Variants in GTF3C3 observed in about 807,000 individuals in gnomAD.
GTF3C3 encodes general transcription factor 3C polypeptide 3.
A neutral mutation model predicts 105.2 loss-of-function variants in GTF3C3; 75 were observed. The observed-to-expected ratio is 0.71, with a 90% CI of 0.59 to 0.86. The LOEUF (loss-of-function observed/expected upper bound fraction) is 0.86. Ranked by LOEUF, GTF3C3 falls within the 40% of genes least tolerant of loss-of-function variation. The probability of loss-of-function intolerance (pLI) is 0.00; values close to 1 mark genes in which losing one functional copy is unlikely to be tolerated. For missense variants in GTF3C3, 856 were observed against 1,076.5 expected, an observed-to-expected ratio of 0.80 and a Z score of 2.87; for synonymous variants, 335 against 370.4, an observed-to-expected ratio of 0.90 and a Z score of 1.10.
rs368340835 is a variant in GTF3C3, at chr2:196,772,338, C to T, written c.2070-400G>A. Among the ~76,000 whole-genome samples, 11 of 152,078 alleles carry T rather than the reference C, an allele frequency of 7.2e-5. No individual in the cohort carries two copies. The South Asian group carries it at 1.5e-3, about 20-fold the overall frequency. ...TTTGGGAGGCTGAGGCACCTGAGGT[C>T]GGGAGTTGGAGACCAGCCTGACCAA... On this transcript the variant is annotated intron_variant, in intron 14 of 17. Coordinates refer to ENST00000263956, the MANE Select transcript of GTF3C3 (RefSeq NM_012086.5).
chr2:196,777,164 T>C (rs1447725700), intron 10 of GTF3C3, among the ~76,000 whole-genome samples: 1 of 152,214 alleles, frequency 6.6e-6, no homozygotes, highest in Non-Finnish European at 1.5e-5. Flanking sequence ...GTTCTGTATT[T>C]GGCCACAGTG....
chr2:196,778,866 A>G, intron 10 of GTF3C3, 30 bp downstream of exon 10: 1 of 1,601,190 alleles, frequency 6.2e-7, no homozygotes, highest in Non-Finnish European at 8.6e-7. Flanking sequence ...TATATGATTA[A>G]AACTTCTTCC....
chr2:196,773,944 C>T (rs1267918902), intron 13 of GTF3C3, among the ~76,000 whole-genome samples: 4 of 152,220 alleles, frequency 2.6e-5, no homozygotes, highest in Non-Finnish European at 4.4e-5. Flanking sequence ...CCTAGCAGGC[C>T]ACGGGCTGGT....
At position 196,763,662 on chromosome 2, in the gene GTF3C3, A is replaced by G. The variant is rs928618701; in HGVS notation, c.*901T>C. The G allele has an allele frequency of 1.3e-5, 2 of 152,168 alleles. No homozygotes were observed. Among genetic ancestry groups the G allele is most frequent in the African/African-American group, 4.8e-5 (2 of 41,448 alleles). 9.4% of individuals were successfully genotyped at this position (152,168 alleles called of 1,614,324 possible). ...CAATTGGGCTGGGTGTTACTAACCC[A>G]TGTGCACATTAATTACAGCATTTAT... is the stretch of plus-strand genomic sequence containing the variant. On this transcript the variant is annotated 3_prime_UTR_variant, in exon 18 of 18. Transcript: ENST00000263956.
At chr2:196,783,817 C>T (rs913178331) in intron 8 of GTF3C3, among the ~76,000 whole-genome samples, 24 of 152,254 alleles carry the variant, frequency 1.6e-4, no homozygotes, top group Non-Finnish European at 2.2e-4. Flanking sequence ...CTCATTTGAA[C>T]GCCTCTTCCC....
Position 196,780,599 on chromosome 2 carries a change from A to G in GTF3C3, c.1178T>C (p.Met393Thr), listed in dbSNP as rs1174700544. 6 of 1,613,530 alleles carry G rather than the reference A, an allele frequency of 3.7e-6. No homozygotes were observed. Among genetic ancestry groups the G allele is most frequent in the Non-Finnish European group, 5.1e-6 (6 of 1,179,708 alleles). ...GVPIDITVKL[M>T]VCLVHLNILE... Reference sequence around the variant, plus strand: ...AATGTTGAGATGTACAAGGCAGACCATCAACTTCACTGTGATATCTATTGG... The same window carrying G: ...AATGTTGAGATGTACAAGGCAGACCGTCAACTTCACTGTGATATCTATTGG... The change falls in exon 9 of 18, where the codon ATG becomes ACG. Residue 393 changes from methionine to threonine, a missense_variant. Physicochemically the swap from Met to Thr is moderately conservative, Grantham distance 81 (BLOSUM62 -1). Around this residue, in one of 3 missense-constraint regions of GTF3C3, gnomAD observed 605 missense variants for 833.6 expected, o/e 0.73. Coordinates refer to ENST00000263956, the MANE Select transcript of GTF3C3 (RefSeq NM_012086.5).
intron 9 of GTF3C3, 98 bp from the exon 10 acceptor site, chr2:196,779,165 T>TC: frequency 1.1e-6 from 1 of 927,430 alleles, no homozygotes; most frequent in Non-Finnish European, 1.6e-6. Flanking sequence ...TCTCTCCCTG[T>TC]CACCCACGCT....
chr2:196,780,408 T>C, intron 9 of GTF3C3, 151 bp downstream of exon 9: 1 of 1,295,836 alleles, frequency 7.7e-7, no homozygotes, highest in Non-Finnish European at 9.9e-7. Flanking sequence ...TTTTATAAGA[T>C]ATTCATACAA....
chr2:196,797,715 C>G, intron 2 of GTF3C3, 82 bp downstream of exon 2: 1 of 820,392 alleles, frequency 1.2e-6, no homozygotes, highest in Non-Finnish European at 2.1e-6. Flanking sequence ...GTATCACTGC[C>G]ATGAAAATAC....
intron 8 of GTF3C3, among the ~76,000 whole-genome samples, chr2:196,783,380 A>T (rs1699401240): frequency 6.6e-6 from 1 of 152,196 alleles, no homozygotes; most frequent in Non-Finnish European, 1.5e-5. Context: ...CAAGTTTTCC[A>T]AACAAAGGAC....
chr2:196,766,958 A>G (rs867364880), intron 16 of GTF3C3: 1 of 303,476 alleles, frequency 3.3e-6, no homozygotes, highest in Non-Finnish European at 6.0e-6. Context: ...AAATGTTACA[A>G]GTAGTTACCA....
At chr2:196,781,742 T>C (rs1231090192) in intron 8 of GTF3C3, among the ~76,000 whole-genome samples, 1 of 151,954 alleles carries the variant, frequency 6.6e-6, no homozygotes, top group Non-Finnish European at 1.5e-5. Flanking sequence ...AGCCAATAAC[T>C]GGTATCAGAA....
In GTF3C3 at chr2:196,771,790, C is replaced by T. The variant is rs1559298141; in HGVS notation, c.2218G>A (p.Gly740Arg). 1 of 1,612,484 alleles carries T rather than the reference C, an allele frequency of 6.2e-7. No individual in the cohort carries two copies. Among genetic ancestry groups the T allele is most frequent in the Non-Finnish European group, 8.5e-7 (1 of 1,178,534 alleles). Residue 740 changes from glycine to arginine, a missense_variant, in exon 15 of 18, where the codon GGA (glycine) becomes AGA (arginine). Coordinates refer to ENST00000263956, the MANE Select transcript of GTF3C3 (RefSeq NM_012086.5). ...PENHALCVLNGHNAFVSGSFK... is the reference protein window; with the variant it reads ...PENHALCVLNRHNAFVSGSFK... ...CTACCAGATACAAATGCATTGTGTC[C>T]ATTTAAGACACATAGGGCATGATTT...
Position 196,786,954 on chromosome 2 carries a change from A to G in GTF3C3, c.894-1366T>C, listed in dbSNP as rs765422699. Among the ~76,000 whole-genome samples, 1 of 152,132 alleles carries G rather than the reference A, an allele frequency of 6.6e-6. No homozygotes were observed. The highest frequency in any genetic ancestry group is 1.5e-5 in the Non-Finnish European group (1 of 68,020). On this transcript the variant is annotated intron_variant, in intron 6 of 17. Transcript: ENST00000263956. This position sits in a 1 kb window ranked among gnomAD's most constrained non-coding sequence, Gnocchi z 4.2. ...CCTACTTGAAGTTCTTTCTTCAATT[A>G]AATTCTAGAACATCATGCTGTTCTC...
chr2:196,789,197 A>G lies in GTF3C3; in HGVS notation c.893+7T>C. On this transcript the variant is annotated splice_region_variant and intron_variant, in intron 6 of 17. Transcript: ENST00000263956. ...GAGCAAGTAGATCTGTTTCACTCCA[A>G]ACTTACTTTGCCATATCTCTAGCCA... 6.3e-7 allele frequency: 1 copy of G among 1,593,144 alleles called. No individual in the cohort carries two copies. Among genetic ancestry groups the G allele is most frequent in the Non-Finnish European group, 8.5e-7 (1 of 1,170,650 alleles).
At chr2:196,783,975 T>C (rs906666575) in intron 8 of GTF3C3, among the ~76,000 whole-genome samples, 1 of 152,208 alleles carries the variant, frequency 6.6e-6, no homozygotes, top group African/African-American at 2.4e-5. Flanking sequence ...CATCTCACCT[T>C]GGGCCTTACT....
In GTF3C3 at chr2:196,775,182, T is replaced by TTA; in HGVS notation, c.1764_1765insTA (p.Ile589Ter). On this transcript the variant is annotated frameshift_variant, in exon 13 of 18. Coordinates refer to ENST00000263956, the MANE Select transcript of GTF3C3 (RefSeq NM_012086.5). LOFTEE classifies it high-confidence loss of function. ...GATATTTTGTCTCTCGATACTTTAA[T>TTA]AAGATAAAGATGCCTCTCTCCAGAC... The TTA allele has an allele frequency of 6.2e-7, 1 of 1,613,118 alleles. No individual in the cohort carries two copies. Among genetic ancestry groups the TTA allele is most frequent in the South Asian group, 1.1e-5 (1 of 91,022 alleles).
intron 16 of GTF3C3, among the ~76,000 whole-genome samples, chr2:196,768,532 T>C (rs1037533851): frequency 1.3e-5 from 2 of 152,016 alleles, no homozygotes; most frequent in Non-Finnish European, 2.9e-5. Context: ...TTTTTTTAGG[T>C]AGTATAATAG....
At chr2:196,781,533 G>A (rs1699363596) in intron 8 of GTF3C3, among the ~76,000 whole-genome samples, 1 of 150,896 alleles carries the variant, frequency 6.6e-6, no homozygotes, top group African/African-American at 2.4e-5. Context: ...AAAGTATACA[G>A]GAGAAGGTAC....
Sources: allele counts gnomAD v4.1 joint callset (sites outside exome capture counted in the v4.1 genomes callset), GRCh38; gene constraint gnomAD v4.1.1; regional missense constraint gnomAD v4.1.1; non-coding constraint Gnocchi (gnomAD v3.1); transcripts MANE v1.5; gene names NCBI Gene and HGNC (gene_info 2026-07-23, HGNC 2026-07-21).